The following DNAJC16 variants were observed in gnomAD, a reference collection of about 807,000 sequenced individuals.
DNAJC16 encodes the protein DnaJ heat shock protein family (Hsp40) member C16, also known as dnaJ homolog subfamily C member 16.
In DNAJC16, 76 loss-of-function variants were observed where a neutral mutation model predicts 92.7. The observed-to-expected ratio is 0.82, with a 90% confidence interval of 0.68 to 0.99. The LOEUF is 0.99. Among genes scored for constraint, DNAJC16 ranks in the 50% least tolerant of loss-of-function variants. The pLI, the probability that DNAJC16 is intolerant of heterozygous loss-of-function variation, is 0.00. For missense variants in DNAJC16, 869 were observed against 942.4 expected (o/e 0.92, Z 1.02); for synonymous variants, 328 against 358.7 (o/e 0.91, Z 0.97).
Position 15,566,178 on chromosome 1 carries a change from C to T in DNAJC16, c.1776C>T (p.Ser592=), listed in dbSNP as rs1286715442. The change falls in exon 13 of 15, where the codon AGC becomes AGT. Residue 592 remains serine, a splice_region_variant and synonymous_variant. Transcript: ENST00000375847. The stretch of plus-strand genomic sequence containing the variant: ...AGCCAAGCTTCACCAAAGAAAACAG[C>T]AGGTTTCTCTAACAAAACACCAGAC... The part of the protein sequence containing the change: ...KTEPSFTKEN[S]SKIPKKGFVE... 3.1e-6 allele frequency: 5 copies of T among 1,613,500 alleles called. No individual in the cohort carries two copies. The highest frequency in any genetic ancestry group is 4.2e-6 in the Non-Finnish European group (5 of 1,179,748).
intron 5 of DNAJC16, among the ~76,000 whole-genome samples, chr1:15,545,096 CAAAG>C (rs1251554972): frequency 1.3e-5 from 2 of 151,930 alleles, no homozygotes; most frequent in African/African-American, 4.8e-5. Flanking sequence ...ATGAATTTCA[CAAAG>C]AAAAGGTTGA....
At chr1:15,529,356 TTGTCTC>T in intron 2 of DNAJC16, 84 bp downstream of exon 2, 1 of 1,352,386 alleles carries the variant, frequency 7.4e-7, no homozygotes, top group Non-Finnish European at 1.0e-6. Context: ...TAGCTTTTAT[TTGTCTC>T]TGTTTCTATG....
intron 7 of DNAJC16, 101 bp from the exon 8 acceptor site, chr1:15,559,425 A>C: frequency 6.6e-7 from 1 of 1,518,908 alleles, no homozygotes; most frequent in East Asian, 2.3e-5. Flanking sequence ...TACTTTAGCC[A>C]AGGTCAGCTA....
rs1184168735 is a variant in DNAJC16 at position 15,570,628 on chromosome 1, A to G, written c.*2451A>G. 2.0e-5 allele frequency: 3 copies of G among 152,182 alleles called. No homozygotes were observed. Among genetic ancestry groups the G allele is most frequent in the Non-Finnish European group, 4.4e-5 (3 of 68,032 alleles). 9.4% of individuals were successfully genotyped at this position (152,182 alleles called of 1,614,324 possible). On this transcript the variant is annotated 3_prime_UTR_variant, in exon 15 of 15. Coordinates refer to ENST00000375847, the MANE Select transcript of DNAJC16 (RefSeq NM_015291.4). ...AATGAAGGTAGTGATGGGATTGGCA[A>G]TGTTCCTGGCAGATGTTTCAGCCCA...
chr1:15,536,438 C>G (rs762202403), intron 3 of DNAJC16, 37 bp from the exon 4 acceptor site: 5 of 1,504,650 alleles, frequency 3.3e-6, no homozygotes, highest in East Asian at 4.6e-5. Flanking sequence ...TTGGATGAAC[C>G]TTTTGTTGTT....
At chr1:15,554,668 A>T (rs1021356626) in intron 7 of DNAJC16, among the ~76,000 whole-genome samples, 4 of 152,268 alleles carry the variant, frequency 2.6e-5, no homozygotes, top group Middle Eastern at 6.8e-3. Context: ...TACTTTTTGT[A>T]TACATTTTAA....
At position 15,544,435 on chromosome 1, in the gene DNAJC16, G is replaced by A. The variant is rs767948810; in HGVS notation, c.611G>A (p.Arg204Lys). ...GGCGTGGTCCATGCTGGGTATGAGA[G>A]ACGCCTGGCCCATCACCTAGGGGCA... ...GIGVVHAGYE[R>K]RLAHHLGAHS... Residue 204 changes from arginine to lysine, a missense_variant, in exon 5 of 15, where the codon AGA (arginine) becomes AAA (lysine). By Grantham distance (26) the Arg-to-Lys change is conservative (BLOSUM62 2). Coordinates refer to ENST00000375847, the MANE Select transcript of DNAJC16 (RefSeq NM_015291.4). The A allele has an allele frequency of 5.6e-6, 9 of 1,613,900 alleles. No individual in the cohort carries two copies. The highest frequency in any genetic ancestry group is 4.0e-5 in the African/African-American group (3 of 75,028).
At position 15,568,281 on chromosome 1, in the gene DNAJC16, T is replaced by C; in HGVS notation, c.*104T>C. 1 of 993,830 alleles carries C rather than the reference T, an allele frequency of 1.0e-6. No individual in the cohort carries two copies. Among genetic ancestry groups the C allele is most frequent in the Non-Finnish European group, 1.5e-6 (1 of 669,166 alleles). The allele number at this position is 993,830 out of a possible 1,614,324, so 61.6% of individuals were successfully genotyped here. A position where few individuals can be genotyped will look rare whatever the true frequency, so the allele number is the denominator to read the frequency against. ...ACCACAATGAACAGAGTATAGATTT[T>C]AGATTGCTCTTCTAGAACCATGGCT... On this transcript the variant is annotated 3_prime_UTR_variant, in exon 15 of 15. Transcript: ENST00000375847.
chr1:15,568,905 G>A lies in DNAJC16; in HGVS notation c.*728G>A, dbSNP rs573218532. On this transcript the variant is annotated 3_prime_UTR_variant, in exon 15 of 15. Coordinates refer to ENST00000375847, the MANE Select transcript of DNAJC16 (RefSeq NM_015291.4). ...TGAGCATCCCATCCGCCGCCCCAGC[G>A]CTGCTGGTAGCCAGGGGAGGGGTCT... 9 of 391,132 alleles carry A rather than the reference G, an allele frequency of 2.3e-5. No homozygotes were observed. The highest frequency in any genetic ancestry group is 4.1e-5 in the African/African-American group (2 of 48,636). 24.2% of individuals were successfully genotyped at this position (391,132 alleles called of 1,614,324 possible). A position where few individuals can be genotyped will look rare whatever the true frequency, so the allele number is the denominator to read the frequency against.
At chr1:15,542,151 A>G (rs749260218) in intron 4 of DNAJC16, 2 of 152,222 alleles carry the variant, frequency 1.3e-5, no homozygotes, top group African/African-American at 2.4e-5. Flanking sequence ...GCCTTCATAA[A>G]AATCCCTGAA....
intron 1 of DNAJC16, among the ~76,000 whole-genome samples, chr1:15,527,329 C>G (rs1353460751): frequency 6.6e-6 from 1 of 152,172 alleles, no homozygotes; most frequent in Non-Finnish European, 1.5e-5. Flanking sequence ...ACCGCCACTT[C>G]GGCCCTCTAG....
rs1484444373 is a variant in DNAJC16 at position 15,540,808 on chromosome 1, A to C, written c.575-3591A>C. Among the ~76,000 whole-genome samples the C allele has an allele frequency of 7.9e-5, 12 of 152,322 alleles. No homozygotes were observed. The South Asian group carries it at 1.0e-3, about 13-fold the overall frequency. ...ATAACGTATACTGAATGGCACAGTT[A>C]CTAGAAAGGCATATTTCCCAGGATC... is the stretch of plus-strand genomic sequence containing the variant. On this transcript the variant is annotated intron_variant, in intron 4 of 14. Coordinates refer to ENST00000375847, the MANE Select transcript of DNAJC16 (RefSeq NM_015291.4).
intron 4 of DNAJC16, 124 bp from the exon 5 acceptor site, chr1:15,544,275 C>G (rs1029081642): frequency 4.3e-6 from 4 of 934,720 alleles, no homozygotes; most frequent in Non-Finnish European, 6.3e-6. Flanking sequence ...GCTAGACAGT[C>G]TATTAGGAAA....
chr1:15,566,816 C>A (rs1419226926), intron 13 of DNAJC16, among the ~76,000 whole-genome samples: 1 of 152,036 alleles, frequency 6.6e-6, no homozygotes, highest in Non-Finnish European at 1.5e-5. Context: ...CCCAGGAGGT[C>A]GAGGCTGCAG....
chr1:15,561,664 C>A (rs1369851122), intron 8 of DNAJC16, among the ~76,000 whole-genome samples: 1 of 152,074 alleles, frequency 6.6e-6, no homozygotes, highest in South Asian at 2.1e-4. Flanking sequence ...CCAGCCTGGG[C>A]GACAGAGCAA....
At chr1:15,567,410 C>T in intron 14 of DNAJC16, 141 bp downstream of exon 14, 1 of 852,444 alleles carries the variant, frequency 1.2e-6, no homozygotes, top group Non-Finnish European at 1.8e-6. Flanking sequence ...CCAATCCAGA[C>T]ATCTGAGCCA....
rs1357484995 is a variant in DNAJC16 at position 15,570,142 on chromosome 1, G to A, written c.*1965G>A. 6.6e-6 allele frequency: 1 copy of A among 152,458 alleles called. No homozygotes were observed. Among genetic ancestry groups the A allele is most frequent in the African/African-American group, 2.4e-5 (1 of 41,414 alleles). The allele number at this position is 152,458 out of a possible 1,614,324, so 9.4% of individuals were successfully genotyped here. A position where few individuals can be genotyped will look rare whatever the true frequency, so the allele number is the denominator to read the frequency against. On this transcript the variant is annotated 3_prime_UTR_variant, in exon 15 of 15. Transcript: ENST00000375847. ...TTCTTCCATATGATCCTCTAAAAAT[G>A]GACACTTCCTCTGAATGCTGTATCT...
chr1:15,530,998 T>A (rs1192651366), intron 2 of DNAJC16, among the ~76,000 whole-genome samples: 1 of 152,190 alleles, frequency 6.6e-6, no homozygotes, highest in Non-Finnish European at 1.5e-5. Context: ...AGTGTCTCTG[T>A]TTTATAGATG....
At chr1:15,563,411 C>T (rs145332500) in intron 9 of DNAJC16, among the ~76,000 whole-genome samples, 63 of 152,008 alleles carry the variant, frequency 4.1e-4, no homozygotes, top group Middle Eastern at 3.4e-3. Flanking sequence ...TGTCTGTAGT[C>T]CCAACTACTC....
Sources: gnomAD v4.1 joint callset for allele counts (sites outside exome capture counted in the v4.1 genomes callset) on GRCh38, gnomAD v4.1.1 for gene constraint, MANE v1.5 for transcripts, NCBI Gene and HGNC (gene_info 2026-07-23, HGNC 2026-07-21) for gene names.